LRMDA: variants seen among roughly 807,000 people sequenced by gnomAD.
LRMDA encodes the protein leucine-rich melanocyte differentiation-associated protein.
LRMDA carries 18 observed loss-of-function variants against 29.8 expected under a neutral mutation model. The observed-to-expected ratio is 0.60, with a 90% CI of 0.42 to 0.90. The LOEUF is 0.90. LRMDA is among the 40% of genes least tolerant of loss of function. The probability of loss-of-function intolerance (pLI) is 0.00; values close to 1 mark genes in which losing one functional copy is unlikely to be tolerated. For missense variants in LRMDA, 273 were observed against 273.9 expected (o/e 1.00, Z 0.02); for synonymous variants, 125 against 109.4 (o/e 1.14, Z -0.89).
chr10:76,232,809 C>G (rs955985233), intron 5 of LRMDA, among the ~76,000 whole-genome samples: 1 of 152,130 alleles, frequency 6.6e-6, no homozygotes, highest in African/African-American at 2.4e-5. Context: ...GGGGTGGTCC[C>G]CCTACCCAAA....
intron 2 of LRMDA, among the ~76,000 whole-genome samples, chr10:75,893,181 C>T (rs1245582305): frequency 6.6e-6 from 1 of 152,116 alleles, no homozygotes; most frequent in South Asian, 2.1e-4. Context: ...AACAGTCTTC[C>T]AGTAGCTACT....
Position 76,419,188 on chromosome 10 carries a change from C to T in LRMDA, c.601+94703C>T, listed in dbSNP as rs1842048674. 2.6e-5 allele frequency among the ~76,000 whole-genome samples: 4 copies of T among 152,168 alleles called. No individual in the cohort carries two copies. The South Asian group carries it at 8.3e-4, about 32-fold the overall frequency. ...AAATTACATGTTTCCACTATTAGAG[C>T]ATCATACAGAATAGTTTCACTGCCC... On this transcript the variant is annotated intron_variant, in intron 6 of 6. Coordinates refer to ENST00000611255, the MANE Select transcript of LRMDA (RefSeq NM_001305581.2).
chr10:76,438,341 G>C (rs1842266274), intron 6 of LRMDA, among the ~76,000 whole-genome samples: 2 of 152,116 alleles, frequency 1.3e-5, no homozygotes, highest in South Asian at 4.1e-4. Context: ...CTCAAACACT[G>C]GGCTTTGGTT....
chr10:76,533,387 C>G (rs753243736), intron 6 of LRMDA, among the ~76,000 whole-genome samples: 10 of 152,256 alleles, frequency 6.6e-5, no homozygotes, highest in South Asian at 2.1e-4. Context: ...GTCATGAGCA[C>G]TTCTTTCCCT....
intron 1 of LRMDA, among the ~76,000 whole-genome samples, chr10:75,434,435 G>A (rs1278064198): frequency 1.3e-5 from 2 of 152,154 alleles, no homozygotes; most frequent in African/African-American, 4.8e-5. Context: ...AACACCTTTG[G>A]AGGAGTTAGT....
At chr10:75,607,917 G>A (rs1840976937) in intron 2 of LRMDA, among the ~76,000 whole-genome samples, 1 of 144,122 alleles carries the variant, frequency 6.9e-6, no homozygotes, top group African/African-American at 2.6e-5. Flanking sequence ...AACATGAAGT[G>A]GTTGCCTGGA....
intron 2 of LRMDA, among the ~76,000 whole-genome samples, chr10:75,642,193 A>T (rs548916363): frequency 5.3e-5 from 8 of 152,336 alleles, no homozygotes; most frequent in African/African-American, 1.7e-4. Flanking sequence ...ATATGAAAAG[A>T]AGAAAAGTCT....
intron 5 of LRMDA, among the ~76,000 whole-genome samples, chr10:76,314,440 A>G (rs944929740): frequency 6.6e-6 from 1 of 152,196 alleles, no homozygotes; most frequent in East Asian, 1.9e-4. Flanking sequence ...TTAGCAAATA[A>G]GCACACCAAT....
intron 2 of LRMDA, among the ~76,000 whole-genome samples, chr10:75,493,010 A>G (rs1414716135): frequency 6.6e-6 from 1 of 152,194 alleles, no homozygotes; most frequent in Non-Finnish European, 1.5e-5. Context: ...AGTATTGTTC[A>G]TGGCCTCGGT....
rs1839929854 is a variant in LRMDA at position 75,534,968 on chromosome 10, A to G, written c.131+96474A>G. Among the ~76,000 whole-genome samples the G allele has an allele frequency of 2.0e-5, 3 of 152,166 alleles. No homozygotes were observed. In the South Asian group the frequency reaches 6.2e-4, roughly 32 times the overall value. On this transcript the variant is annotated intron_variant, in intron 2 of 6. Transcript: ENST00000611255. Reference sequence around the variant, plus strand: ...AGCTTCATTAAAAAAACGAAAACAAAACTCAGAACCCCAAATAAATAAAAA... The same window carrying G: ...AGCTTCATTAAAAAAACGAAAACAAGACTCAGAACCCCAAATAAATAAAAA...
At chr10:75,920,505 TTGTC>T (rs1846009269) in intron 2 of LRMDA, among the ~76,000 whole-genome samples, 2 of 152,258 alleles carry the variant, frequency 1.3e-5, no homozygotes, top group African/African-American at 4.8e-5. Flanking sequence ...GTCTAAAAGT[TTGTC>T]TGATACCAAC....
intron 2 of LRMDA, among the ~76,000 whole-genome samples, chr10:75,572,656 T>C (rs1840452182): frequency 6.6e-6 from 1 of 152,272 alleles, no homozygotes; most frequent in Non-Finnish European, 1.5e-5. Context: ...TGCTGAAGGC[T>C]AAGTATAGTT....
intron 5 of LRMDA, among the ~76,000 whole-genome samples, chr10:76,248,780 A>G (rs1043100665): frequency 3.3e-5 from 5 of 152,240 alleles, no homozygotes; most frequent in Non-Finnish European, 7.3e-5. Context: ...GGCTTTGTGC[A>G]GGATAACATA....
chr10:75,901,118 A>G (rs1845663844), intron 2 of LRMDA, among the ~76,000 whole-genome samples: 1 of 152,162 alleles, frequency 6.6e-6, no homozygotes, highest in Admixed American at 6.5e-5. Context: ...GGAGGAGGAG[A>G]GGAGGAAGAA....
intron 2 of LRMDA, among the ~76,000 whole-genome samples, chr10:75,925,065 T>C (rs1846096888): frequency 6.6e-6 from 1 of 152,104 alleles, no homozygotes; most frequent in South Asian, 2.1e-4. Flanking sequence ...CTCATCGGAG[T>C]ATGCAGTCCA....
chr10:75,469,592 G>A (rs550327680), intron 2 of LRMDA, among the ~76,000 whole-genome samples: 1,323 of 52,814 alleles, frequency 0.025, 16 homozygotes, highest in African/African-American at 0.17. Context: ...ATGTGCGTGT[G>A]TGTGTGTGTG....
At chr10:75,562,747 T>A (rs972319087) in intron 2 of LRMDA, among the ~76,000 whole-genome samples, 7 of 152,140 alleles carry the variant, frequency 4.6e-5, no homozygotes, top group African/African-American at 1.7e-4. Flanking sequence ...TCTCTCAGCA[T>A]TTGCTTGTCT....
intron 5 of LRMDA, among the ~76,000 whole-genome samples, chr10:76,162,526 AG>A (rs1450256331): frequency 2.0e-5 from 3 of 152,186 alleles, no homozygotes; most frequent in East Asian, 3.8e-4. Flanking sequence ...GGGAGGCCTC[AG>A]GAAGCTTTCA....
At chr10:75,934,892 T>A (rs909864327) in intron 2 of LRMDA, among the ~76,000 whole-genome samples, 5 of 152,202 alleles carry the variant, frequency 3.3e-5, no homozygotes, top group African/African-American at 1.2e-4. Flanking sequence ...TATTTATAAC[T>A]GAGTTTTATT....
Sources: gnomAD v4.1 joint callset for allele counts (sites outside exome capture counted in the v4.1 genomes callset) on GRCh38, gnomAD v4.1.1 for gene constraint, MANE v1.5 for transcripts, NCBI Gene and HGNC (gene_info 2026-07-23, HGNC 2026-07-21) for gene names.